TASP1: variants seen among roughly 807,000 people sequenced by gnomAD.
TASP1 encodes the protein threonine aspartase 1.
TASP1 carries 16 observed loss-of-function variants against 56.6 expected under a neutral mutation model. The ratio of observed to expected loss-of-function variants is 0.28; its 90% CI spans 0.19 to 0.43. The LOEUF is 0.43. TASP1 is among the 20% of genes least tolerant of loss of function. The pLI is 1.00. For missense variants in TASP1, 393 were observed against 511.6 expected, an observed-to-expected ratio of 0.77 and a Z score of 2.24; for synonymous variants, 179 against 184.2, an observed-to-expected ratio of 0.97 and a Z score of 0.23.
chr20:13,407,635 T>G (rs1465539331), intron 13 of TASP1, among the ~76,000 whole-genome samples: 2 of 152,216 alleles, frequency 1.3e-5, no homozygotes, highest in East Asian at 3.8e-4. Context: ...TATGTTTAAC[T>G]TTTTGAGGAA....
intron 13 of TASP1, among the ~76,000 whole-genome samples, chr20:13,404,069 T>C (rs2041832480): frequency 6.6e-6 from 1 of 152,200 alleles, no homozygotes. Context: ...AGGACATTTC[T>C]ATTACTGCCC....
At chr20:13,217,532 G>C in the TASP1 span, among the ~76,000 whole-genome samples, 5 of 151,818 alleles carry the variant, frequency 3.3e-5, no homozygotes, top group Non-Finnish European at 7.4e-5. Flanking sequence ...AAATATTCCA[G>C]TCAAATAAGC....
chr20:13,262,179 A>G, the TASP1 span, among the ~76,000 whole-genome samples: 1 of 152,036 alleles, frequency 6.6e-6, no homozygotes, highest in African/African-American at 2.4e-5. Context: ...CTCATTAAAT[A>G]TTTGCTCAAA....
At chr20:13,267,699 A>T in the TASP1 span, among the ~76,000 whole-genome samples, 1 of 152,216 alleles carries the variant, frequency 6.6e-6, no homozygotes, top group Non-Finnish European at 1.5e-5. Context: ...TTTTTCAGAC[A>T]TCTAGGCAAA....
intron 13 of TASP1, among the ~76,000 whole-genome samples, chr20:13,406,300 A>G (rs2041918372): frequency 1.3e-5 from 2 of 152,218 alleles, no homozygotes; most frequent in African/African-American, 4.8e-5. Flanking sequence ...TTTCCAATCC[A>G]TGAATATGGC....
the TASP1 span, among the ~76,000 whole-genome samples, chr20:13,277,191 T>G: frequency 6.6e-6 from 1 of 152,130 alleles, no homozygotes; most frequent in African/African-American, 2.4e-5. Context: ...TGAAATTGTT[T>G]TTATTCCCAG....
In TASP1 at chr20:13,498,222, C is replaced by A. The variant is rs182710224; in HGVS notation, c.875-14885G>T. 9.0e-3 allele frequency among the ~76,000 whole-genome samples: 1,370 copies of A among 152,076 alleles called. 33 individuals carry two copies. The highest frequency in any genetic ancestry group is 0.031 in the African/African-American group (1,286 of 41,482). On this transcript the variant is annotated intron_variant, in intron 10 of 13. Coordinates refer to ENST00000337743, the MANE Select transcript of TASP1 (RefSeq NM_017714.3). Reference sequence around the variant, plus strand: ...AAATATTTGCAAACTATGTTTCTGACAAATGTCTAATATCCTGAATCTATA... The same window carrying A: ...AAATATTTGCAAACTATGTTTCTGAAAAATGTCTAATATCCTGAATCTATA...
chr20:13,279,977 AC>A, the TASP1 span: 3 of 1,375,914 alleles, frequency 2.2e-6, no homozygotes, highest in Non-Finnish European at 3.0e-6. Context: ...GCCAAGCAAA[AC>A]CCTGCTTAGA....
intron 12 of TASP1, among the ~76,000 whole-genome samples, chr20:13,425,719 G>A (rs2042595414): frequency 6.6e-6 from 1 of 152,044 alleles, no homozygotes. Flanking sequence ...TTTTAAATGG[G>A]AAGAATGAGG....
intron 11 of TASP1, among the ~76,000 whole-genome samples, chr20:13,450,686 T>C (rs2043584388): frequency 6.6e-6 from 1 of 152,122 alleles, no homozygotes; most frequent in African/African-American, 2.4e-5. Flanking sequence ...CTACCAAGTC[T>C]ACAGTTACTT....
At chr20:13,412,687 GT>G (rs1174372038) in intron 13 of TASP1, among the ~76,000 whole-genome samples, 1 of 151,844 alleles carries the variant, frequency 6.6e-6, no homozygotes, top group Non-Finnish European at 1.5e-5. Flanking sequence ...CATTCACTAA[GT>G]TTTTTTTAAA....
At chr20:13,482,380 G>A (rs2043171239) in intron 11 of TASP1, among the ~76,000 whole-genome samples, 2 of 152,038 alleles carry the variant, frequency 1.3e-5, no homozygotes, top group African/African-American at 4.8e-5. Flanking sequence ...GGACAGCTTT[G>A]GCTATTCTGG....
chr20:13,481,775 T>A (rs911711207), intron 11 of TASP1, among the ~76,000 whole-genome samples: 2 of 152,156 alleles, frequency 1.3e-5, no homozygotes, highest in African/African-American at 4.8e-5. Flanking sequence ...GATTATTAGA[T>A]TTTTTCCTAT....
the TASP1 span, among the ~76,000 whole-genome samples, chr20:13,201,754 C>CTT: frequency 7.2e-5 from 10 of 138,616 alleles, no homozygotes; most frequent in Admixed American, 7.3e-5. Context: ...AGATGGTAAA[C>CTT]TTTTTTTTTT....
At chr20:13,192,397 CA>C in the TASP1 span, among the ~76,000 whole-genome samples, 1 of 152,088 alleles carries the variant, frequency 6.6e-6, no homozygotes, top group Non-Finnish European at 1.5e-5. Context: ...AACATTAGCC[CA>C]GTACGGTGGC....
intron 11 of TASP1, among the ~76,000 whole-genome samples, chr20:13,466,776 T>C (rs1016821203): frequency 6.6e-6 from 1 of 152,144 alleles, no homozygotes; most frequent in Non-Finnish European, 1.5e-5. Flanking sequence ...GCCACTTCCT[T>C]ATTCTTCATC....
At chr20:13,521,217 G>C (rs1258036587) in intron 10 of TASP1, among the ~76,000 whole-genome samples, 1 of 152,080 alleles carries the variant, frequency 6.6e-6, no homozygotes, top group South Asian at 2.1e-4. Context: ...TCAGTGTGGC[G>C]ATTCCTCAGG....
At chr20:13,623,883 C>G (rs1186411305) in intron 3 of TASP1, among the ~76,000 whole-genome samples, 1 of 152,134 alleles carries the variant, frequency 6.6e-6, no homozygotes, top group Non-Finnish European at 1.5e-5. Context: ...AAATCTCAAA[C>G]TAATCATTTC....
the TASP1 span, among the ~76,000 whole-genome samples, chr20:13,314,847 G>A: frequency 6.6e-6 from 1 of 152,078 alleles, no homozygotes; most frequent in Non-Finnish European, 1.5e-5. Flanking sequence ...ATACATGCAT[G>A]TATGCTTATG....
Sources: allele counts gnomAD v4.1 joint callset (sites outside exome capture counted in the v4.1 genomes callset), GRCh38; gene constraint gnomAD v4.1.1; transcripts MANE v1.5; gene names NCBI Gene and HGNC (gene_info 2026-07-23, HGNC 2026-07-21).